MYH8: variants seen among roughly 807,000 people sequenced by gnomAD.
MYH8 encodes myosin-8.
In MYH8, 168 loss-of-function variants were observed where a neutral mutation model predicts 233.2. The ratio of observed to expected loss-of-function variants is 0.72; its 90% CI spans 0.64 to 0.82. The LOEUF (loss-of-function observed/expected upper bound fraction) is 0.82. MYH8 is among the 40% of genes least tolerant of loss of function. The pLI, the probability that MYH8 is intolerant of heterozygous loss-of-function variation, is 0.00. For missense variants in MYH8, 1,995 were observed against 2,327.8 expected, an observed-to-expected ratio of 0.86 and a Z score of 2.94; for synonymous variants, 785 against 850.6, an observed-to-expected ratio of 0.92 and a Z score of 1.34.
At chr17:10,391,044 T>C (rs1000312529) in intron 39 of MYH8, among the ~76,000 whole-genome samples, 3 of 152,240 alleles carry the variant, frequency 2.0e-5, no homozygotes, top group African/African-American at 7.2e-5. Context: ...CTTTTTTCTT[T>C]CCTTTTCTTC....
In MYH8 at chr17:10,393,213, G is replaced by T; in HGVS notation, c.5167-3C>A. On this transcript the variant is annotated splice_polypyrimidine_tract_variant and splice_region_variant and intron_variant, in intron 35 of 39. Transcript: ENST00000403437. ...TTGGTGTTAATGAGACTGGTATTCT[G>T]TTAAAAGTAGTCGTGGAAATTTACA... is the stretch of plus-strand genomic sequence containing the variant. The T allele has an allele frequency of 6.2e-7, 1 of 1,614,140 alleles. No homozygotes were observed. Among genetic ancestry groups the T allele is most frequent in the Non-Finnish European group, 8.5e-7 (1 of 1,180,026 alleles).
In MYH8 at chr17:10,415,446, G is replaced by GT; in HGVS notation, c.648+25dup. On this transcript the variant is annotated intron_variant, in intron 7 of 39. Coordinates refer to ENST00000403437, the MANE Select transcript of MYH8 (RefSeq NM_002472.3). The surrounding 1 kb of genome is among the most constrained non-coding windows in gnomAD (Gnocchi z 4.1). ...CAGATGTCTGAGAGCCTTGACAGAG[G>GT]TTTTGACTCTGGCTATCAGACCTAC... The GT allele has an allele frequency of 6.2e-7, 1 of 1,613,320 alleles. No homozygotes were observed. The highest frequency in any genetic ancestry group is 8.5e-7 in the Non-Finnish European group (1 of 1,179,276).
At chr17:10,414,772 G>A (rs534440686) in intron 9 of MYH8, among the ~76,000 whole-genome samples, 1 of 152,148 alleles carries the variant, frequency 6.6e-6, no homozygotes, top group Non-Finnish European at 1.5e-5. Flanking sequence ...TTCACTCTGG[G>A]TGGTGAGGGC....
chr17:10,407,039 A>C, intron 17 of MYH8, 60 bp from the exon 18 acceptor site: 1 of 1,273,006 alleles, frequency 7.9e-7, no homozygotes, highest in Non-Finnish European at 1.1e-6. Flanking sequence ...GTTTTTTGTA[A>C]TTATATGGAA....
At chr17:10,416,826 AT>A (rs1308720363) in intron 5 of MYH8, among the ~76,000 whole-genome samples, 3 of 152,180 alleles carry the variant, frequency 2.0e-5, no homozygotes, top group Admixed American at 6.5e-5. Flanking sequence ...TCACTGAATT[AT>A]TTTAAAGAAA....
At chr17:10,414,550 T>G (rs1010554759) in intron 9 of MYH8, 66 bp from the exon 10 acceptor site, 9 of 1,103,910 alleles carry the variant, frequency 8.2e-6, no homozygotes, top group Middle Eastern at 2.2e-4. Context: ...TAAATGAACC[T>G]CACGTCTTTG....
intron 19 of MYH8, 122 bp from the exon 20 acceptor site, chr17:10,406,519 C>A (rs549931228): frequency 6.9e-7 from 1 of 1,451,284 alleles, no homozygotes; most frequent in Admixed American, 1.7e-5. Context: ...ATCCAACTGC[C>A]GTTTAAGGAC....
chr17:10,393,868 A>G (rs2072052732), intron 35 of MYH8, among the ~76,000 whole-genome samples: 1 of 152,290 alleles, frequency 6.6e-6, no homozygotes, highest in African/African-American at 2.4e-5. Flanking sequence ...CCAATGAGAA[A>G]CACTGCATGG....
intron 19 of MYH8, 141 bp downstream of exon 19, chr17:10,406,549 T>C (rs991971974): frequency 7.3e-7 from 1 of 1,377,440 alleles, no homozygotes; most frequent in Non-Finnish European, 1.0e-6. Context: ...AACAATATGA[T>C]TTTCTGTTGC....
chr17:10,404,269 GTA>G, intron 22 of MYH8, 59 bp downstream of exon 22: 22 of 1,604,236 alleles, frequency 1.4e-5, no homozygotes, highest in Non-Finnish European at 1.9e-5. Context: ...TAAATCCAAA[GTA>G]TATGTGTGTT....
chr17:10,420,518 G>A (rs1483620720), intron 2 of MYH8, among the ~76,000 whole-genome samples: 1 of 152,208 alleles, frequency 6.6e-6, no homozygotes, highest in Non-Finnish European at 1.5e-5. Context: ...AATTGAATTA[G>A]AATGAAACCT....
At chr17:10,420,300 AG>A in intron 2 of MYH8, 43 bp from the exon 3 acceptor site, 3 of 1,529,928 alleles carry the variant, frequency 2.0e-6, no homozygotes, top group Non-Finnish European at 2.7e-6. Context: ...AAAAAGCAGA[AG>A]TCACAAATGT....
chr17:10,413,525 A>T (rs1400143288), intron 12 of MYH8, among the ~76,000 whole-genome samples: 1 of 152,112 alleles, frequency 6.6e-6, no homozygotes, highest in Non-Finnish European at 1.5e-5. Context: ...CCAGCCCTGT[A>T]TTTGGGCAGA....
In MYH8 at chr17:10,396,207, T is replaced by C; in HGVS notation, c.4653+123A>G. 8.6e-7 allele frequency: 1 copy of C among 1,157,276 alleles called. No individual in the cohort carries two copies. The highest frequency in any genetic ancestry group is 1.2e-6 in the Non-Finnish European group (1 of 808,148). The allele number at this position is 1,157,276 out of a possible 1,614,324, so 71.7% of individuals were successfully genotyped here. A position where few individuals can be genotyped will look rare whatever the true frequency, so the allele number is the denominator to read the frequency against. On this transcript the variant is annotated intron_variant, in intron 33 of 39. Transcript: ENST00000403437. This position sits in a 1 kb window ranked among gnomAD's most constrained non-coding sequence, Gnocchi z 4.2. ...AGAGTATTTACATTTTTAAGGATTT[T>C]GATAACTATTGCCAAGTTGTCCTTC...
At chr17:10,394,202 G>C (rs760973784) in intron 35 of MYH8, 47 bp downstream of exon 35, 1 of 1,608,928 alleles carries the variant, frequency 6.2e-7, no homozygotes, top group Non-Finnish European at 8.5e-7. Context: ...TAATTCGAAT[G>C]CATCAGCTAC....
intron 34 of MYH8, 122 bp from the exon 35 acceptor site, chr17:10,394,574 T>C: frequency 5.8e-6 from 7 of 1,206,176 alleles, no homozygotes; most frequent in Non-Finnish European, 5.9e-6. Context: ...GTCATTTGAA[T>C]GCATCTGATT....
rs745543074 is a variant in MYH8 at position 10,406,425 on chromosome 17, T to C, written c.2172-28A>G. On this transcript the variant is annotated intron_variant, in intron 19 of 39. Coordinates refer to ENST00000403437, the MANE Select transcript of MYH8 (RefSeq NM_002472.3). The stretch of plus-strand genomic sequence containing the variant: ...GCTCAGTTAAAGAAAGAAAGAATGG[T>C]TAGGAAAATGTGACCACATGCCAAC... 8 of 1,613,618 alleles carry C rather than the reference T, an allele frequency of 5.0e-6. No homozygotes were observed. The South Asian group carries it at 7.7e-5, about 16-fold the overall frequency.
chr17:10,401,849 T>G, intron 22 of MYH8, 64 bp from the exon 23 acceptor site: 1 of 1,603,918 alleles, frequency 6.2e-7, no homozygotes, highest in East Asian at 2.2e-5. Context: ...GTGTTTTTTT[T>G]GCGCAAAAAT....
At position 10,409,366 on chromosome 17, in the gene MYH8, G is replaced by A; in HGVS notation, c.1810C>T (p.Leu604=). The change falls in exon 16 of 40, where the codon CTG becomes TTG. Residue 604 remains leucine, a synonymous_variant. Coordinates refer to ENST00000403437, the MANE Select transcript of MYH8 (RefSeq NM_002472.3). ...TACAGCCCAACCACAGTATCATTCAGGGGGTCCTTATTTTTGTCCAGCCAG... is the reference window on the plus strand; with the variant it reads ...TACAGCCCAACCACAGTATCATTCAAGGGGTCCTTATTTTTGTCCAGCCAG... ...TGWLDKNKDP[L]NDTVVGLYQK... 1 of 1,614,200 alleles carries A rather than the reference G, an allele frequency of 6.2e-7. No individual in the cohort carries two copies. Among genetic ancestry groups the A allele is most frequent in the Non-Finnish European group, 8.5e-7 (1 of 1,180,034 alleles).
Sources: allele counts gnomAD v4.1 joint callset (sites outside exome capture counted in the v4.1 genomes callset), GRCh38; gene constraint gnomAD v4.1.1; non-coding constraint Gnocchi (gnomAD v3.1); transcripts MANE v1.5; gene names NCBI Gene and HGNC (gene_info 2026-07-23, HGNC 2026-07-21).